CCDC51: variants seen among roughly 807,000 people sequenced by gnomAD.
CCDC51 encodes coiled-coil domain containing 51, also known as mitochondrial potassium channel.
A neutral mutation model predicts 24.8 loss-of-function variants in CCDC51; 25 were observed. That is an observed-to-expected ratio of 1.01 (90% CI 0.73 to 1.41). The LOEUF (loss-of-function observed/expected upper bound fraction) is 1.41. CCDC51 is among the 40% of genes most tolerant of loss of function. The pLI is 0.00. For synonymous variants in CCDC51, 190 were observed against 204.3 expected (o/e 0.93, Z 0.60); for missense variants, 466 against 519.1 (o/e 0.90, Z 0.99).
chr3:48,443,823 A>G (rs768501916), upstream of CCDC51: 1 of 1,550,048 alleles, frequency 6.5e-7, no homozygotes, highest in South Asian at 1.2e-5. Context: ...ATTTTTCCCT[A>G]ATTGTGACTA....
At chr3:48,441,961 C>T (rs150618193), upstream of CCDC51, among the ~76,000 whole-genome samples, 1 of 152,302 alleles carries the variant, frequency 6.6e-6, no homozygotes, top group Non-Finnish European at 1.5e-5. Flanking sequence ...GGGCCAGGCA[C>T]AGAATGGGCT....
upstream of CCDC51, chr3:48,440,185 T>G (rs145241166): frequency 1.3e-4 from 191 of 1,499,094 alleles, no homozygotes; most frequent in Non-Finnish European, 1.5e-4. Context: ...TAGCGAGAGT[T>G]CAACTTCCTG....
At chr3:48,445,162 G>T, upstream of CCDC51, 1 of 130,088 alleles carries the variant, frequency 7.7e-6, no homozygotes, top group South Asian at 2.8e-4. Flanking sequence ...GACAGAACAA[G>T]ACCCTGTATT....
rs756812959 is a variant in CCDC51 at position 48,433,901 on chromosome 3, A to G, written c.313-30T>C. On this transcript the variant is annotated intron_variant, in intron 2 of 3. Coordinates refer to ENST00000395694, the MANE Select transcript of CCDC51 (RefSeq NM_001256964.2). This position sits in a 1 kb window ranked among gnomAD's most constrained non-coding sequence, Gnocchi z 4.4. ...AAAGAGAAAACCGGAGGCCATCTGCACCTTCTCTCCACACCCACACAGGCT... is the reference window on the plus strand; with the variant it reads ...AAAGAGAAAACCGGAGGCCATCTGCGCCTTCTCTCCACACCCACACAGGCT... 5 of 1,603,536 alleles carry G rather than the reference A, an allele frequency of 3.1e-6. No homozygotes were observed. In the East Asian group the frequency reaches 1.1e-4, roughly 36 times the overall value.
At chr3:48,440,601 G>C, upstream of CCDC51, 1 of 1,611,762 alleles carries the variant, frequency 6.2e-7, no homozygotes, top group South Asian at 1.1e-5. Context: ...GGAGCTAAAA[G>C]CGAAGGCCGC....
At chr3:48,440,718 T>A, upstream of CCDC51, 1 of 1,187,072 alleles carries the variant, frequency 8.4e-7, no homozygotes, top group Non-Finnish European at 1.2e-6. Flanking sequence ...TCCTGCCTCC[T>A]GAACTGCGAG....
Position 48,435,676 on chromosome 3 carries a change from G to A in CCDC51, c.-8-540C>T, listed in dbSNP as rs74945675. Among the ~76,000 whole-genome samples the A allele has an allele frequency of 1.6e-3, 240 of 152,168 alleles. 1 individual carries two copies. The highest frequency in any genetic ancestry group is 0.01 in the Middle Eastern group (3 of 294). On this transcript the variant is annotated intron_variant, in intron 1 of 3. Coordinates refer to ENST00000395694, the MANE Select transcript of CCDC51 (RefSeq NM_001256964.2). This position sits in a 1 kb window ranked among gnomAD's most constrained non-coding sequence, Gnocchi z 4.2. ...CTCCAAGGACTGCCTCAGCACAAGG[G>A]AAGCAGAGTTTCAATTCTGTGCAAG...
At chr3:48,441,418 A>G (rs1280090773), upstream of CCDC51, among the ~76,000 whole-genome samples, 1 of 150,436 alleles carries the variant, frequency 6.6e-6, no homozygotes, top group Non-Finnish European at 1.5e-5. Context: ...CCTGACTTCA[A>G]GTGATTCACC....
upstream of CCDC51, chr3:48,444,127 A>T: frequency 2.8e-6 from 1 of 357,672 alleles, no homozygotes; most frequent in East Asian, 4.2e-5. Context: ...CCAGCTCAGA[A>T]TCTTGCCAGA....
rs780720105 is a variant in CCDC51 at position 48,437,124 on chromosome 3, G to A, written c.-8-1988C>T. Among the ~76,000 whole-genome samples the A allele has an allele frequency of 6.6e-5, 10 of 152,060 alleles. No individual in the cohort carries two copies. Among genetic ancestry groups the A allele is most frequent in the Non-Finnish European group, 1.2e-4 (8 of 68,020 alleles). Reference sequence around the variant, plus strand: ...TCCACGAGTCTACTCGGCTCACCCCGACATCTTCATCTTTGCCCAAATATC... The same window carrying A: ...TCCACGAGTCTACTCGGCTCACCCCAACATCTTCATCTTTGCCCAAATATC... On this transcript the variant is annotated intron_variant, in intron 1 of 3. Transcript: ENST00000395694. This position sits in a 1 kb window ranked among gnomAD's most constrained non-coding sequence, Gnocchi z 4.2.
the CCDC51 span, among the ~76,000 whole-genome samples, chr3:48,445,635 G>A: frequency 6.6e-6 from 1 of 152,182 alleles, no homozygotes; most frequent in South Asian, 2.1e-4. Flanking sequence ...GCAACACTTG[G>A]GAAGCTATCT....
upstream of CCDC51, among the ~76,000 whole-genome samples, chr3:48,443,535 G>GA (rs35356755): frequency 0.022 from 2,522 of 114,480 alleles, 46 homozygotes; most frequent in African/African-American, 0.056. Context: ...TTCCATCTCA[G>GA]AAAAAAAAAA....
chr3:48,440,925 A>G, upstream of CCDC51: 2 of 491,282 alleles, frequency 4.1e-6, no homozygotes, highest in Non-Finnish European at 7.3e-6. Context: ...TAAGTTTCTC[A>G]AAGTCTGACG....
At chr3:48,438,592 G>A (rs974102888) in intron 1 of CCDC51, among the ~76,000 whole-genome samples, 1 of 151,998 alleles carries the variant, frequency 6.6e-6, no homozygotes, top group Non-Finnish European at 1.5e-5. Flanking sequence ...ATCAGCAAAT[G>A]CCCCTGGCTT....
At chr3:48,441,904 G>T (rs2039578168), upstream of CCDC51, among the ~76,000 whole-genome samples, 1 of 152,142 alleles carries the variant, frequency 6.6e-6, no homozygotes, top group African/African-American at 2.4e-5. Flanking sequence ...TACCTACCCA[G>T]CACTGAGATT....
At chr3:48,443,732 G>T (rs1473057684), upstream of CCDC51, 3 of 714,278 alleles carry the variant, frequency 4.2e-6, no homozygotes, top group Admixed American at 3.8e-5. Context: ...CCATGCTTGT[G>T]TTAAAGTGAA....
At position 48,433,619 on chromosome 3, in the gene CCDC51, C is replaced by T. The variant is rs998820828; in HGVS notation, c.477+88G>A. 2.1e-6 allele frequency: 3 copies of T among 1,403,982 alleles called. No homozygotes were observed. The highest frequency in any genetic ancestry group is 2.9e-6 in the Non-Finnish European group (3 of 1,021,618). The allele number at this position is 1,403,982 out of a possible 1,614,324, so 87.0% of individuals were successfully genotyped here. A position where few individuals can be genotyped will look rare whatever the true frequency, so the allele number is the denominator to read the frequency against. The stretch of plus-strand genomic sequence containing the variant: ...CTGTACCAGGCCTCTGACTACAGAC[C>T]AGTCAGGGTTCCCACCCGGCCCCTC... On this transcript the variant is annotated intron_variant, in intron 3 of 3. Transcript: ENST00000395694. This position sits in a 1 kb window ranked among gnomAD's most constrained non-coding sequence, Gnocchi z 4.4.
At chr3:48,436,232 G>C (rs1312417615) in intron 1 of CCDC51, among the ~76,000 whole-genome samples, 1 of 152,170 alleles carries the variant, frequency 6.6e-6, no homozygotes, top group Admixed American at 6.5e-5. Flanking sequence ...GAAAAGCAGA[G>C]GGAGCTGCAG....
rs962293513 is a variant in CCDC51 at position 48,437,669 on chromosome 3, T to A, written c.-9+2319A>T. Among the ~76,000 whole-genome samples the A allele has an allele frequency of 2.6e-5, 4 of 152,088 alleles. No individual in the cohort carries two copies. The highest frequency in any genetic ancestry group is 4.8e-5 in the African/African-American group (2 of 41,388). On this transcript the variant is annotated intron_variant, in intron 1 of 3. Coordinates refer to ENST00000395694, the MANE Select transcript of CCDC51 (RefSeq NM_001256964.2). This position sits in a 1 kb window ranked among gnomAD's most constrained non-coding sequence, Gnocchi z 4.2. ...CTGTCTCCTACCAACTGCCCCTTCC[T>A]CAAGCCTCTATCATCTGTTCCTCAT...
Sources: gnomAD v4.1 joint callset for allele counts (sites outside exome capture counted in the v4.1 genomes callset) on GRCh38, gnomAD v4.1.1 for gene constraint, Gnocchi (gnomAD v3.1) non-coding constraint, MANE v1.5 for transcripts, NCBI Gene and HGNC (gene_info 2026-07-23, HGNC 2026-07-21) for gene names.